Variants in ATP6V0D2 observed in about 807,000 individuals in gnomAD.
The protein encoded by ATP6V0D2 is V-type proton ATPase subunit d 2.
In ATP6V0D2, 40 loss-of-function variants were observed where a neutral mutation model predicts 40.0. That is an observed-to-expected ratio of 1.00 (90% CI 0.78 to 1.30). The LOEUF (loss-of-function observed/expected upper bound fraction) is 1.30. ATP6V0D2 is among the 50% of genes most tolerant of loss of function. The pLI is 0.00. For missense variants in ATP6V0D2, 470 were observed against 423.1 expected, an observed-to-expected ratio of 1.11 and a Z score of -0.97; for synonymous variants, 179 against 156.3, an observed-to-expected ratio of 1.15 and a Z score of -1.08.
intron 5 of ATP6V0D2, among the ~76,000 whole-genome samples, chr8:86,145,374 GAAAGAA>G (rs1819054155): frequency 1.3e-5 from 1 of 79,202 alleles, no homozygotes; most frequent in East Asian, 5.3e-4. Flanking sequence ...AGGAAGGAAG[GAAAGAA>G]AAGAAAAGAA....
chr8:86,152,722 G>A (rs1819174067), intron 7 of ATP6V0D2, 94 bp from the exon 8 acceptor site: 6 of 1,266,272 alleles, frequency 4.7e-6, no homozygotes, highest in Non-Finnish European at 6.4e-6. Flanking sequence ...ACACAAATAA[G>A]CACTGCACAA....
intron 2 of ATP6V0D2, among the ~76,000 whole-genome samples, chr8:86,122,908 G>A (rs1302397979): frequency 6.6e-6 from 1 of 152,182 alleles, no homozygotes; most frequent in Non-Finnish European, 1.5e-5. Context: ...AGAGTAAAGA[G>A]GTTGACCAGG....
At chr8:86,141,398 C>T (rs1483983599) in intron 3 of ATP6V0D2, 52 bp from the exon 4 acceptor site, 1 of 1,400,804 alleles carries the variant, frequency 7.1e-7, no homozygotes, top group Admixed American at 1.7e-5. Context: ...TTTTCTACAG[C>T]TTATAATCTT....
chr8:86,141,420 A>G (rs1417883418), intron 3 of ATP6V0D2, 30 bp from the exon 4 acceptor site: 3 of 1,574,926 alleles, frequency 1.9e-6, no homozygotes, highest in Non-Finnish European at 2.6e-6. Context: ...CTTAAGATTC[A>G]TTTTTTGGTA....
intron 2 of ATP6V0D2, among the ~76,000 whole-genome samples, chr8:86,126,264 C>A (rs77303059): frequency 0.093 from 4,965 of 53,102 alleles, 331 homozygotes; most frequent in African/African-American, 0.17. Flanking sequence ...ATATATATAT[C>A]TTTTTGTATA....
chr8:86,121,424 G>A (rs964240944), intron 2 of ATP6V0D2, among the ~76,000 whole-genome samples: 1 of 152,164 alleles, frequency 6.6e-6, no homozygotes, highest in Non-Finnish European at 1.5e-5. Context: ...ACAAAAATTA[G>A]CCAGGTGTGG....
intron 1 of ATP6V0D2, among the ~76,000 whole-genome samples, chr8:86,107,720 G>C (rs1318350136): frequency 6.6e-6 from 1 of 152,184 alleles, no homozygotes; most frequent in East Asian, 1.9e-4. Context: ...GGGAGCACAT[G>C]AGGAGAAATG....
chr8:86,132,478 C>G (rs1490788515), intron 2 of ATP6V0D2, among the ~76,000 whole-genome samples: 1 of 152,158 alleles, frequency 6.6e-6, no homozygotes, highest in Non-Finnish European at 1.5e-5. Flanking sequence ...CTCTCCCCCT[C>G]CCTACCACCC....
intron 1 of ATP6V0D2, among the ~76,000 whole-genome samples, chr8:86,106,300 CT>C (rs1338031436): frequency 2.6e-5 from 4 of 151,912 alleles, no homozygotes; most frequent in Admixed American, 2.6e-4. Context: ...GCCTGGCTAA[CT>C]TTTTTGTCAT....
At chr8:86,148,529 T>A (rs1216773561) in intron 5 of ATP6V0D2, among the ~76,000 whole-genome samples, 1 of 152,180 alleles carries the variant, frequency 6.6e-6, no homozygotes, top group East Asian at 1.9e-4. Context: ...AGCTTTCACG[T>A]GCATATAGAT....
rs71275830 is a variant in ATP6V0D2, at chr8:86,121,604, G to GGATGAGGAGGAGGAT, written c.302+7726_302+7727insTGAGGAGGAGGATGA. On this transcript the variant is annotated intron_variant, in intron 2 of 7. Transcript: ENST00000285393. ...AGGAGGAGGAGGAGGAGGAGGAGGAGGAGGAGGAGGAGGAGAAGGAGAAAG... is the reference window on the plus strand; with the variant it reads ...AGGAGGAGGAGGAGGAGGAGGAGGAGGATGAGGAGGAGGATGAGGAGGAGGAGGAGAAGGAGAAAG... 4.1e-3 allele frequency among the ~76,000 whole-genome samples: 585 copies of GGATGAGGAGGAGGAT among 141,190 alleles called. 5 individuals carry two copies. Among genetic ancestry groups the GGATGAGGAGGAGGAT allele is most frequent in the Non-Finnish European group, 6.6e-3 (423 of 64,410 alleles). 92.6% of individuals were successfully genotyped at this position (141,190 alleles called of 152,430 possible). A position where few individuals can be genotyped will look rare whatever the true frequency, so the allele number is the denominator to read the frequency against.
intron 7 of ATP6V0D2, among the ~76,000 whole-genome samples, chr8:86,152,077 T>G (rs1448786173): frequency 6.6e-6 from 1 of 151,624 alleles, no homozygotes; most frequent in Non-Finnish European, 1.5e-5. Flanking sequence ...CCTCCCCTAT[T>G]CCCCCCACCG....
At chr8:86,133,113 T>C (rs563817136) in intron 2 of ATP6V0D2, among the ~76,000 whole-genome samples, 71 of 152,176 alleles carry the variant, frequency 4.7e-4, no homozygotes, top group African/African-American at 1.5e-3. Flanking sequence ...GAAGACTGAT[T>C]GGCTAAGAAA....
At chr8:86,131,297 T>C (rs980467847) in intron 2 of ATP6V0D2, among the ~76,000 whole-genome samples, 3 of 152,114 alleles carry the variant, frequency 2.0e-5, no homozygotes, top group African/African-American at 4.8e-5. Context: ...CCTCCTGATT[T>C]CAAGCGATTC....
At chr8:86,150,018 C>T (rs1172084845) in intron 5 of ATP6V0D2, 94 bp from the exon 6 acceptor site, 12 of 1,186,304 alleles carry the variant, frequency 1.0e-5, no homozygotes, top group African/African-American at 7.7e-5. Context: ...GAAAGGAAAG[C>T]GAATCATTTC....
intron 2 of ATP6V0D2, among the ~76,000 whole-genome samples, chr8:86,126,159 A>T (rs1358126949): frequency 2.1e-5 from 3 of 144,186 alleles, no homozygotes; most frequent in Non-Finnish European, 4.5e-5. Flanking sequence ...CTGGTCTCGA[A>T]CTCCTGACCT....
At chr8:86,132,259 TAC>T (rs1246637183) in intron 2 of ATP6V0D2, among the ~76,000 whole-genome samples, 1 of 152,162 alleles carries the variant, frequency 6.6e-6, no homozygotes, top group Non-Finnish European at 1.5e-5. Flanking sequence ...ATTTTTTTTT[TAC>T]AGTTATAGAA....
intron 6 of ATP6V0D2, 117 bp downstream of exon 6, chr8:86,150,405 T>C (rs2129645656): frequency 5.7e-6 from 6 of 1,046,206 alleles, no homozygotes; most frequent in Non-Finnish European, 8.3e-6. Flanking sequence ...ATTTGTAAGG[T>C]AGCAATCAGT....
chr8:86,122,660 T>C (rs1818685147), intron 2 of ATP6V0D2, among the ~76,000 whole-genome samples: 1 of 152,178 alleles, frequency 6.6e-6, no homozygotes, highest in Non-Finnish European at 1.5e-5. Flanking sequence ...AAGACAGAAT[T>C]AAGCCACAGC....
Sources: allele counts gnomAD v4.1 joint callset (sites outside exome capture counted in the v4.1 genomes callset), GRCh38; gene constraint gnomAD v4.1.1; transcripts MANE v1.5; gene names NCBI Gene and HGNC (gene_info 2026-07-23, HGNC 2026-07-21).